INSR: variants seen among roughly 807,000 people sequenced by gnomAD.
The protein encoded by INSR is insulin receptor, also known as IR.
INSR carries 67 observed loss-of-function variants against 142.6 expected under a neutral mutation model. The observed-to-expected ratio is 0.47, with a 90% confidence interval of 0.39 to 0.58. INSR has a LOEUF of 0.58. Among genes scored for constraint, INSR ranks in the 20% least tolerant of loss-of-function variants. INSR has a pLI of 0.00. For synonymous variants in INSR, 756 were observed against 743.1 expected, an observed-to-expected ratio of 1.02 and a Z score of -0.28; for missense variants, 1,248 against 1,833.2, an observed-to-expected ratio of 0.68 and a Z score of 5.83.
At chr19:7,249,809 G>A (rs977557910) in intron 2 of INSR, among the ~76,000 whole-genome samples, 31 of 152,224 alleles carry the variant, frequency 2.0e-4, no homozygotes, top group South Asian at 8.3e-4. Context: ...TGGCTAACAG[G>A]GTGAAACCCC....
At chr19:7,291,934 A>G (rs953541512) in intron 1 of INSR, among the ~76,000 whole-genome samples, 1 of 151,956 alleles carries the variant, frequency 6.6e-6, no homozygotes, top group Non-Finnish European at 1.5e-5. Flanking sequence ...CTGGGACTAC[A>G]GGCGCCCGCC....
At chr19:7,286,068 TTCCCAGGC>T (rs1481195871) in intron 1 of INSR, among the ~76,000 whole-genome samples, 3 of 151,748 alleles carry the variant, frequency 2.0e-5, no homozygotes, top group African/African-American at 7.3e-5. Flanking sequence ...GCGCCTCGAC[TTCCCAGGC>T]TCAGGTGATC....
At chr19:7,173,275 G>A (rs1974060296) in intron 4 of INSR, among the ~76,000 whole-genome samples, 2 of 152,018 alleles carry the variant, frequency 1.3e-5, no homozygotes, top group African/African-American at 4.8e-5. Context: ...GTACATGTTC[G>A]CTAAAGAAAT....
At position 7,170,609 on chromosome 19, in the gene INSR, C is replaced by A. The variant is rs777572827; in HGVS notation, c.1411G>T (p.Glu471Ter). Residue 471 changes from glutamate to a stop codon, truncating the protein, a stop_gained, in exon 6 of 22, where the codon GAA (glutamate) becomes TAA (stop). Coordinates refer to ENST00000302850, the MANE Select transcript of INSR (RefSeq NM_000208.4). LOFTEE classifies it high-confidence loss of function. ...TGGCGCCCCTTGGTTCCTGAAACTTCTTCCATCTTGTGGATTTCTGACAAG... is the reference window on the plus strand; with the variant it reads ...TGGCGCCCCTTGGTTCCTGAAACTTATTCCATCTTGTGGATTTCTGACAAG... ...LCLSEIHKME[E>*]VSGTKGRQER... 1 of 1,613,956 alleles carries A rather than the reference C, an allele frequency of 6.2e-7. No homozygotes were observed. The highest frequency in any genetic ancestry group is 1.1e-5 in the South Asian group (1 of 91,074).
At chr19:7,121,613 T>A (rs1237223198) in intron 19 of INSR, among the ~76,000 whole-genome samples, 1 of 152,058 alleles carries the variant, frequency 6.6e-6, no homozygotes, top group African/African-American at 2.4e-5. Flanking sequence ...ACCACAGGTG[T>A]GCACCACCAC....
At chr19:7,197,350 G>A (rs1216042950) in intron 2 of INSR, among the ~76,000 whole-genome samples, 1 of 152,242 alleles carries the variant, frequency 6.6e-6, no homozygotes, top group Non-Finnish European at 1.5e-5. Context: ...GCGAGTGAGT[G>A]AGTGAGTGGG....
intron 2 of INSR, among the ~76,000 whole-genome samples, chr19:7,241,254 C>A (rs1429171319): frequency 6.6e-6 from 1 of 150,436 alleles, no homozygotes; most frequent in Non-Finnish European, 1.5e-5. Flanking sequence ...TCGTAGCTCA[C>A]TGCAGCCTCC....
At position 7,120,596 on chromosome 19, in the gene INSR, T is replaced by C. The variant is rs766776682; in HGVS notation, c.3659+24A>G. On this transcript the variant is annotated intron_variant, in intron 20 of 21. Transcript: ENST00000302850. ...ACCTGGAATTCAAGCCCAGCGTCCA[T>C]CCACCCATCCACACACAACTCACCA... 1.1e-5 allele frequency: 18 copies of C among 1,613,602 alleles called. No individual in the cohort carries two copies. In the Admixed American group the frequency reaches 2.8e-4, roughly 25 times the overall value.
At chr19:7,137,798 C>CAAAAAAAAAAAAAA (rs1176523364) in intron 13 of INSR, among the ~76,000 whole-genome samples, 20 of 41,468 alleles carry the variant, frequency 4.8e-4, no homozygotes, top group Non-Finnish European at 7.0e-4. Context: ...GACTCCATCT[C>CAAAAAAAAAAAAAA]AAAAAAAAAA....
rs1165344930 is a variant in INSR at position 7,153,053 on chromosome 19, C to A, written c.2030-126G>T. The A allele has an allele frequency of 5.8e-5, 24 of 411,376 alleles. 1 individual carries two copies. The highest frequency in any genetic ancestry group is 2.3e-4 in the African/African-American group (5 of 22,222). The allele number at this position is 411,376 out of a possible 1,614,324, so 25.5% of individuals were successfully genotyped here. ...ACACACACACACACCACACACCCCCCCACACACACACACCACACACATCAC... is the reference window on the plus strand; with the variant it reads ...ACACACACACACACCACACACCCCCACACACACACACACCACACACATCAC... On this transcript the variant is annotated intron_variant, in intron 9 of 21. Transcript: ENST00000302850.
At chr19:7,204,228 T>A (rs773315407) in intron 2 of INSR, among the ~76,000 whole-genome samples, 16 of 152,086 alleles carry the variant, frequency 1.1e-4, no homozygotes, top group Non-Finnish European at 1.0e-4. Context: ...TTTAATTTTT[T>A]ATTTTTAGTA....
In INSR at chr19:7,257,467, G is replaced by T. The variant is rs534458853; in HGVS notation, c.652+9878C>A. Among the ~76,000 whole-genome samples the T allele has an allele frequency of 1.4e-4, 21 of 150,900 alleles. No individual in the cohort carries two copies. In the East Asian group the frequency reaches 3.7e-3, roughly 27 times the overall value. On this transcript the variant is annotated intron_variant, in intron 2 of 21. Coordinates refer to ENST00000302850, the MANE Select transcript of INSR (RefSeq NM_000208.4). ...AAGGCGGGGTGGGAGGAGGGAGGAG[G>T]GTGGAGTGGGGGCCTTGCCTTGTAC... is the stretch of plus-strand genomic sequence containing the variant.
At chr19:7,117,550 T>C (rs185065174) in intron 21 of INSR, 140 bp from the exon 22 acceptor site, 2 of 636,038 alleles carry the variant, frequency 3.1e-6, no homozygotes, top group Non-Finnish European at 5.6e-6. Context: ...TGTGGACAAT[T>C]GTCAAGGCAG....
intron 9 of INSR, among the ~76,000 whole-genome samples, chr19:7,153,462 CACACCACA>C (rs1193132472): frequency 0.011 from 295 of 26,274 alleles, 2 homozygotes; most frequent in Non-Finnish European, 0.066. Context: ...ACCCACGCCA[CACACCACA>C]CACACACCAC....
In INSR at chr19:7,125,319, C is replaced by T. The variant is rs1167140129; in HGVS notation, c.3222G>A (p.Glu1074=). Residue 1074 remains glutamate (E), a synonymous_variant, in exon 17 of 22, where the codon GAG becomes GAA. Transcript: ENST00000302850. This position sits in a 1 kb window ranked among gnomAD's most constrained non-coding sequence, Gnocchi z 4.9. ...SLRERIEFLN[E]ASVMKGFTCH... ...AGGTGAAGCCCTTCATGACCGAGGCCTCATTGAGGAACTCAATCCGCTCTC... is the reference window on the plus strand; with the variant it reads ...AGGTGAAGCCCTTCATGACCGAGGCTTCATTGAGGAACTCAATCCGCTCTC... 6.2e-7 allele frequency: 1 copy of T among 1,614,096 alleles called. No individual in the cohort carries two copies. The highest frequency in any genetic ancestry group is 8.5e-7 in the Non-Finnish European group (1 of 1,180,036).
At chr19:7,186,243 T>A (rs976328023) in intron 2 of INSR, among the ~76,000 whole-genome samples, 1 of 151,344 alleles carries the variant, frequency 6.6e-6, no homozygotes, top group African/African-American at 2.4e-5. Flanking sequence ...AGTTGGGGAG[T>A]GTTCTTCACC....
At chr19:7,152,336 G>T in intron 10 of INSR, 2 of 294,554 alleles carry the variant, frequency 6.8e-6, no homozygotes, top group South Asian at 5.9e-5. Flanking sequence ...AGCTGAAATC[G>T]CACCACCGCA....
chr19:7,217,780 C>T (rs1363559348), intron 2 of INSR, among the ~76,000 whole-genome samples: 2 of 152,202 alleles, frequency 1.3e-5, no homozygotes, highest in African/African-American at 2.4e-5. Flanking sequence ...AGGATGGTCT[C>T]GATCTCCTGA....
chr19:7,268,534 G>A (rs1416941455), intron 1 of INSR: 1 of 985,152 alleles, frequency 1.0e-6, no homozygotes, highest in Admixed American at 6.2e-5. Flanking sequence ...CCATCATCCT[G>A]CACTTCCCTC....
Sources: gnomAD v4.1 joint callset for allele counts (sites outside exome capture counted in the v4.1 genomes callset) on GRCh38, gnomAD v4.1.1 for gene constraint, Gnocchi (gnomAD v3.1) non-coding constraint, MANE v1.5 for transcripts, NCBI Gene and HGNC (gene_info 2026-07-23, HGNC 2026-07-21) for gene names.